The following ZNF521 variants were observed in gnomAD, a reference collection of about 807,000 sequenced individuals.
ZNF521 encodes LYST-interacting protein 3.
A neutral mutation model predicts 105.5 loss-of-function variants in ZNF521; 14 were observed. The observed-to-expected ratio is 0.13, with a 90% confidence interval of 0.09 to 0.21. The LOEUF is 0.21. ZNF521 is among the 10% of genes least tolerant of loss of function. The pLI is 1.00. For synonymous variants in ZNF521, 635 were observed against 606.0 expected (o/e 1.05, Z -0.70); for missense variants, 1,233 against 1,629.7 (o/e 0.76, Z 4.19).
intron 5 of ZNF521, among the ~76,000 whole-genome samples, chr18:25,105,166 C>A (rs1380470321): frequency 6.6e-6 from 1 of 152,158 alleles, no homozygotes; most frequent in African/African-American, 2.4e-5. Flanking sequence ...CTAGACACGT[C>A]TCCAAAGGGA....
chr18:25,245,498 A>G (rs1286404324), intron 3 of ZNF521, among the ~76,000 whole-genome samples: 2 of 152,168 alleles, frequency 1.3e-5, no homozygotes, highest in Non-Finnish European at 2.9e-5. Flanking sequence ...TGGATGATGC[A>G]AGACAGGGAA....
chr18:25,062,752 CAAAAAAAAAA>C lies in ZNF521; in HGVS notation c.3907-21_3907-12del, dbSNP rs10540123. The C allele has an allele frequency of 1.7e-3, 619 of 364,378 alleles. 1 individual carries two copies. Among genetic ancestry groups the C allele is most frequent in the Non-Finnish European group, 1.8e-3 (431 of 237,178 alleles). The allele number at this position is 364,378 out of a possible 1,614,324, so 22.6% of individuals were successfully genotyped here. On this transcript the variant is annotated splice_polypyrimidine_tract_variant and intron_variant, in intron 7 of 7. Transcript: ENST00000361524. Reference sequence around the variant, plus strand: ...GGTCATTGTATGATTCTGTAAATAACAAAAAAAAAAAAAAAAAAAAAAAAAAAAAAAAAGA... The same window carrying C: ...GGTCATTGTATGATTCTGTAAATAACAAAAAAAAAAAAAAAAAAAAAAAGA...
At chr18:25,241,886 C>T (rs937499675) in intron 3 of ZNF521, among the ~76,000 whole-genome samples, 1 of 152,000 alleles carries the variant, frequency 6.6e-6, no homozygotes, top group Non-Finnish European at 1.5e-5. Context: ...CTATTCAAAC[C>T]CACGCTGCCT....
chr18:25,312,793 G>A (rs1181720822), intron 3 of ZNF521, among the ~76,000 whole-genome samples: 1 of 140,988 alleles, frequency 7.1e-6, no homozygotes, highest in Admixed American at 7.3e-5. Context: ...AGTCCGACCT[G>A]GGCGACAGAG....
Position 25,224,765 on chromosome 18 carries a change from T to G in ZNF521, c.3153A>C (p.Ala1051=). 1 of 1,614,068 alleles carries G rather than the reference T, an allele frequency of 6.2e-7. No individual in the cohort carries two copies. Among genetic ancestry groups the G allele is most frequent in the East Asian group, 2.2e-5 (1 of 44,868 alleles). The change falls in exon 4 of 8, where the codon GCA becomes GCC. Residue 1051 remains alanine, a synonymous_variant. Transcript: ENST00000361524. Reference sequence around the variant, plus strand: ...GCTGGCCCCGCCCTGTGGTCTGAACTGCAGACCCATTCCCTGTCTTTTGCA... The same window carrying G: ...GCTGGCCCCGCCCTGTGGTCTGAACGGCAGACCCATTCCCTGTCTTTTGCA... ...FHMQKTGNGS[A]VQTTGRGQHV...
intron 5 of ZNF521, among the ~76,000 whole-genome samples, chr18:25,119,134 GA>G (rs1439524795): frequency 7.9e-5 from 12 of 152,026 alleles, no homozygotes; most frequent in Non-Finnish European, 1.6e-4. Context: ...AGAATATAAT[GA>G]AAAAAAGATA....
chr18:25,112,907 C>T (rs1340090138), intron 5 of ZNF521, among the ~76,000 whole-genome samples: 1 of 152,058 alleles, frequency 6.6e-6, no homozygotes, highest in Non-Finnish European at 1.5e-5. Context: ...TCCATATGTG[C>T]TGCCCTTGCC....
At chr18:25,287,737 A>G (rs1910787658) in intron 3 of ZNF521, among the ~76,000 whole-genome samples, 1 of 152,200 alleles carries the variant, frequency 6.6e-6, no homozygotes, top group Non-Finnish European at 1.5e-5. Flanking sequence ...GTAAAAACAA[A>G]TCTGCAGGAA....
intron 5 of ZNF521, among the ~76,000 whole-genome samples, chr18:25,184,632 G>A (rs1250327629): frequency 6.6e-6 from 1 of 152,186 alleles, no homozygotes; most frequent in African/African-American, 2.4e-5. Flanking sequence ...TTGGAAGTGT[G>A]TGTGGTTGAA....
At chr18:25,256,769 T>C (rs922712356) in intron 3 of ZNF521, among the ~76,000 whole-genome samples, 2 of 151,744 alleles carry the variant, frequency 1.3e-5, no homozygotes, top group Admixed American at 6.6e-5. Flanking sequence ...GAGAACAGTG[T>C]TGGGTCAGAA....
At chr18:25,111,241 G>T (rs563023634) in intron 5 of ZNF521, among the ~76,000 whole-genome samples, 4 of 152,200 alleles carry the variant, frequency 2.6e-5, no homozygotes, top group Non-Finnish European at 5.9e-5. Flanking sequence ...TACATTTTAA[G>T]AATGAGATTA....
Position 25,092,778 on chromosome 18 carries a change from T to C in ZNF521, c.3659-697A>G, listed in dbSNP as rs201015841. On this transcript the variant is annotated intron_variant, in intron 5 of 7. Coordinates refer to ENST00000361524, the MANE Select transcript of ZNF521 (RefSeq NM_015461.3). ...ACTAGCCCTGAATTTTTCTTGGATATCTTAAGAATGAGGGGGCAGAAAAAT... is the reference window on the plus strand; with the variant it reads ...ACTAGCCCTGAATTTTTCTTGGATACCTTAAGAATGAGGGGGCAGAAAAAT... 2.0e-5 allele frequency among the ~76,000 whole-genome samples: 3 copies of C among 152,300 alleles called. No homozygotes were observed. The East Asian group carries it at 5.8e-4, about 29-fold the overall frequency.
chr18:25,173,444 C>T (rs1419450172), intron 5 of ZNF521, among the ~76,000 whole-genome samples: 3 of 152,200 alleles, frequency 2.0e-5, no homozygotes, highest in African/African-American at 4.8e-5. Context: ...GCCAACCATT[C>T]CCAAGGCTGC....
intron 5 of ZNF521, among the ~76,000 whole-genome samples, chr18:25,115,388 G>A (rs562269575): frequency 6.6e-6 from 1 of 151,940 alleles, no homozygotes; most frequent in Non-Finnish European, 1.5e-5. Context: ...TCCCCATTGG[G>A]GGCTATTATT....
intron 6 of ZNF521, 118 bp from the exon 7 acceptor site, chr18:25,089,698 G>A (rs1038804562): frequency 2.7e-6 from 2 of 754,662 alleles, no homozygotes; most frequent in East Asian, 2.7e-5. Context: ...GTGACTTACT[G>A]CCTGAGACCT....
At chr18:25,297,142 C>CACATAT (rs112698467) in intron 3 of ZNF521, among the ~76,000 whole-genome samples, 2 of 146,322 alleles carry the variant, frequency 1.4e-5, no homozygotes, top group African/African-American at 2.6e-5. Flanking sequence ...CACACACACA[C>CACATAT]ATATATATAT....
At chr18:25,163,348 A>AT (rs912183094) in intron 5 of ZNF521, among the ~76,000 whole-genome samples, 1 of 152,158 alleles carries the variant, frequency 6.6e-6, no homozygotes, top group Non-Finnish European at 1.5e-5. Context: ...TGATGGCAGT[A>AT]TTTTTTATAA....
At chr18:25,234,382 C>T (rs1906736062) in intron 3 of ZNF521, among the ~76,000 whole-genome samples, 2 of 152,152 alleles carry the variant, frequency 1.3e-5, no homozygotes, top group African/African-American at 4.8e-5. Context: ...TTACTATGTG[C>T]TCTTGTGTTT....
intron 5 of ZNF521, among the ~76,000 whole-genome samples, chr18:25,122,657 C>A (rs901227286): frequency 6.6e-6 from 1 of 152,090 alleles, no homozygotes; most frequent in African/African-American, 2.4e-5. Context: ...TGATCTATTA[C>A]TGATGAAGCA....
Sources: gnomAD v4.1 joint callset for allele counts (sites outside exome capture counted in the v4.1 genomes callset) on GRCh38, gnomAD v4.1.1 for gene constraint, MANE v1.5 for transcripts, NCBI Gene and HGNC (gene_info 2026-07-23, HGNC 2026-07-21) for gene names.